NTM: variants seen among roughly 807,000 people sequenced by gnomAD.
NTM encodes neurotrimin.
In NTM, 13 loss-of-function variants were observed where a neutral mutation model predicts 42.1. The observed-to-expected ratio is 0.31, with a 90% CI of 0.20 to 0.49. NTM has a LOEUF of 0.49. Ranked by LOEUF, NTM falls within the 20% of genes least tolerant of loss-of-function variation. The probability of loss-of-function intolerance (pLI) is 0.99; values close to 1 mark genes in which losing one functional copy is unlikely to be tolerated. For missense variants in NTM, 373 were observed against 452.8 expected (o/e 0.82, Z 1.60); for synonymous variants, 187 against 179.2 (o/e 1.04, Z -0.35).
chr11:131,738,109 C>T (rs746523500), intron 1 of NTM, among the ~76,000 whole-genome samples: 1 of 152,134 alleles, frequency 6.6e-6, no homozygotes, highest in African/African-American at 2.4e-5. Flanking sequence ...TTTTCATTAG[C>T]AGCAAAGCCA....
chr11:132,232,708 G>T (rs542568909), intron 4 of NTM, among the ~76,000 whole-genome samples: 17 of 152,210 alleles, frequency 1.1e-4, no homozygotes, highest in African/African-American at 3.6e-4. Flanking sequence ...AACACATTAC[G>T]CACATTATCC....
chr11:131,436,803 A>T (rs1294656608), intron 1 of NTM, among the ~76,000 whole-genome samples: 1 of 151,896 alleles, frequency 6.6e-6, no homozygotes, highest in East Asian at 1.9e-4. Flanking sequence ...CTCTGATCTT[A>T]GTTATTTCTT....
chr11:131,664,687 T>G (rs1318986971), intron 1 of NTM, among the ~76,000 whole-genome samples: 1 of 151,976 alleles, frequency 6.6e-6, no homozygotes, highest in Non-Finnish European at 1.5e-5. Context: ...ATGTAGTTCA[T>G]TATCCCCAAA....
chr11:131,432,943 C>T lies in NTM; in HGVS notation c.82+62055C>T, dbSNP rs562854928. ...GATCACAGCTCACTGCAAGCTCCGCCTCCCTGGTTCATGCCATTCTCCTGC... is the reference window on the plus strand; with the variant it reads ...GATCACAGCTCACTGCAAGCTCCGCTTCCCTGGTTCATGCCATTCTCCTGC... On this transcript the variant is annotated intron_variant, in intron 1 of 8. Coordinates refer to ENST00000683400, the MANE Select transcript of NTM (RefSeq NM_001352005.2). Among the ~76,000 whole-genome samples, 768 of 145,578 alleles carry T rather than the reference C, an allele frequency of 5.3e-3. 2 individuals carry two copies. Among genetic ancestry groups the T allele is most frequent in the Non-Finnish European group, 6.8e-3 (456 of 67,074 alleles).
chr11:131,530,569 A>G (rs2051121159), intron 1 of NTM, among the ~76,000 whole-genome samples: 1 of 152,230 alleles, frequency 6.6e-6, no homozygotes. Flanking sequence ...CAAAAGCCCT[A>G]TGATTCACCC....
intron 1 of NTM, among the ~76,000 whole-genome samples, chr11:131,625,476 C>CAG (rs750232572): frequency 2.0e-5 from 3 of 151,800 alleles, no homozygotes; most frequent in Admixed American, 1.3e-4. Context: ...GAAAGAAAAG[C>CAG]AGAGAGAGAG....
intron 7 of NTM, 114 bp downstream of exon 7, chr11:132,314,817 T>A: frequency 2.9e-6 from 4 of 1,385,452 alleles, no homozygotes; most frequent in South Asian, 1.9e-5. Flanking sequence ...TCAGTGGACA[T>A]GGAGAGGGAG....
chr11:131,895,025 C>T (rs2052033734), intron 1 of NTM, among the ~76,000 whole-genome samples: 1 of 152,164 alleles, frequency 6.6e-6, no homozygotes, highest in Non-Finnish European at 1.5e-5. Context: ...CCGGGCAAGC[C>T]TGAAGAAGCT....
At chr11:131,926,341 A>G (rs950213578) in intron 2 of NTM, among the ~76,000 whole-genome samples, 1 of 152,146 alleles carries the variant, frequency 6.6e-6, no homozygotes, top group Admixed American at 6.5e-5. Context: ...AACGCATCAC[A>G]TGGTGGAAAG....
intron 1 of NTM, among the ~76,000 whole-genome samples, chr11:131,488,462 G>T (rs998869402): frequency 6.6e-6 from 1 of 152,132 alleles, no homozygotes; most frequent in Non-Finnish European, 1.5e-5. Context: ...GGCAAAAGCC[G>T]TCAGGCCTCA....
At chr11:132,324,997 T>C (rs1467480482) in intron 7 of NTM, among the ~76,000 whole-genome samples, 1 of 151,748 alleles carries the variant, frequency 6.6e-6, no homozygotes, top group Non-Finnish European at 1.5e-5. Context: ...ATCCCTTCCT[T>C]ACACCTTACA....
chr11:131,912,107 C>G (rs1045556856), intron 2 of NTM, among the ~76,000 whole-genome samples: 1 of 152,170 alleles, frequency 6.6e-6, no homozygotes, highest in Non-Finnish European at 1.5e-5. Flanking sequence ...AGCCCTGGCT[C>G]CTGCACTCTG....
chr11:132,309,972 C>T, intron 5 of NTM, 140 bp from the exon 6 acceptor site: 1 of 1,023,372 alleles, frequency 9.8e-7, no homozygotes, highest in African/African-American at 1.7e-5. Flanking sequence ...AGGAGAATTG[C>T]TTGAACCCGG....
rs139251827 is a variant in NTM, at chr11:132,268,254, A to G, written c.527-39435A>G. Among the ~76,000 whole-genome samples the G allele has an allele frequency of 3.5e-3, 537 of 152,328 alleles. 1 individual carries two copies. The highest frequency in any genetic ancestry group is 6.3e-3 in the Admixed American group (97 of 15,300). On this transcript the variant is annotated intron_variant, in intron 4 of 8. Coordinates refer to ENST00000683400, the MANE Select transcript of NTM (RefSeq NM_001352005.2). ...CTTCTAGAATCCCATATTTTTCTTA[A>G]TAACTACAATTTTTAAGTCATGATG...
chr11:132,254,021 C>G (rs1429888065), intron 4 of NTM, among the ~76,000 whole-genome samples: 1 of 152,172 alleles, frequency 6.6e-6, no homozygotes, highest in Non-Finnish European at 1.5e-5. Context: ...GAACTCAAGC[C>G]AAGCAGGGGC....
intron 2 of NTM, among the ~76,000 whole-genome samples, chr11:131,913,868 G>C (rs1469163419): frequency 6.6e-6 from 1 of 152,172 alleles, no homozygotes; most frequent in African/African-American, 2.4e-5. Flanking sequence ...AGCACTACAG[G>C]GCAGGGATTA....
chr11:131,730,603 C>A (rs1055960301), intron 1 of NTM, among the ~76,000 whole-genome samples: 1 of 151,986 alleles, frequency 6.6e-6, no homozygotes, highest in Non-Finnish European at 1.5e-5. Context: ...CCTGTAGTCC[C>A]AGCTACTCAA....
chr11:132,016,401 C>A (rs2073420864), intron 2 of NTM, among the ~76,000 whole-genome samples: 1 of 151,870 alleles, frequency 6.6e-6, no homozygotes, highest in African/African-American at 2.4e-5. Flanking sequence ...ATCTATAATC[C>A]TTTTCTGGAC....
At chr11:132,096,670 C>T (rs978418760) in intron 2 of NTM, among the ~76,000 whole-genome samples, 3 of 152,222 alleles carry the variant, frequency 2.0e-5, no homozygotes, top group Admixed American at 6.5e-5. Flanking sequence ...AATCAGGCTC[C>T]GCTCGGCCAG....
Sources: gnomAD v4.1 joint callset for allele counts (sites outside exome capture counted in the v4.1 genomes callset) on GRCh38, gnomAD v4.1.1 for gene constraint, MANE v1.5 for transcripts, NCBI Gene and HGNC (gene_info 2026-07-23, HGNC 2026-07-21) for gene names.